Variants in FRY observed in about 807,000 individuals in gnomAD.
FRY encodes protein furry homolog.
In FRY, 128 loss-of-function variants were observed where a neutral mutation model predicts 348.4. The ratio of observed to expected loss-of-function variants is 0.37; its 90% CI spans 0.32 to 0.43. The LOEUF is 0.43. Among genes scored for constraint, FRY ranks in the 20% least tolerant of loss-of-function variants. FRY has a pLI of 1.00. For missense variants in FRY, 2,736 were observed against 3,695.2 expected (o/e 0.74, Z 6.73); for synonymous variants, 1,370 against 1,374.7 (o/e 1.00, Z 0.08).
chr13:32,137,170 A>T (rs1879773891), intron 11 of FRY, among the ~76,000 whole-genome samples, 198 bp downstream of exon 11: 1 of 152,228 alleles, frequency 6.6e-6, no homozygotes, highest in African/African-American at 2.4e-5. Context: ...AAGATAAATC[A>T]CTTCAGATTT....
chr13:32,047,049 G>GTA (rs1208177650), intron 1 of FRY, among the ~76,000 whole-genome samples: 54 of 152,030 alleles, frequency 3.6e-4, no homozygotes, highest in African/African-American at 1.3e-3. Flanking sequence ...GGGTATATAT[G>GTA]TATATATAGA....
chr13:32,057,959 C>CA (rs143517073), intron 1 of FRY, among the ~76,000 whole-genome samples: 98,607 of 150,428 alleles, frequency 0.66, 32,459 homozygotes, highest in Non-Finnish European at 0.67. Context: ...GACTCCGTCT[C>CA]AAAAAAAAAT....
At chr13:32,165,312 C>CA (rs1462646711) in intron 17 of FRY, among the ~76,000 whole-genome samples, 3 of 152,180 alleles carry the variant, frequency 2.0e-5, no homozygotes, top group Non-Finnish European at 4.4e-5. Flanking sequence ...TCCACATATG[C>CA]CTGTGTTGTG....
chr13:32,274,685 C>G (rs1310979021), intron 55 of FRY, among the ~76,000 whole-genome samples, 157 bp from the exon 56 acceptor site: 1 of 102,294 alleles, frequency 9.8e-6, no homozygotes, highest in Non-Finnish European at 1.7e-5. Context: ...GCCTGGGCGA[C>G]AGAGCGAGAT....
intron 35 of FRY, among the ~76,000 whole-genome samples, chr13:32,217,756 G>A (rs1054602915): frequency 6.6e-6 from 1 of 152,196 alleles, no homozygotes; most frequent in Admixed American, 6.5e-5. Context: ...AATAAATAAT[G>A]CTTATCTCAA....
chr13:32,240,303 A>T (rs1886431149), intron 46 of FRY, among the ~76,000 whole-genome samples: 1 of 152,234 alleles, frequency 6.6e-6, no homozygotes, highest in Non-Finnish European at 1.5e-5. Flanking sequence ...TCCAAAGCTT[A>T]AACTCCTTCT....
chr13:32,179,625 C>T, intron 22 of FRY, 50 bp from the exon 23 acceptor site: 3 of 1,587,534 alleles, frequency 1.9e-6, no homozygotes, highest in Non-Finnish European at 2.6e-6. Context: ...ATTAAAGGAA[C>T]CATCAGTTAC....
At chr13:32,084,012 G>A (rs1875687744) in intron 2 of FRY, among the ~76,000 whole-genome samples, 1 of 151,980 alleles carries the variant, frequency 6.6e-6, no homozygotes, top group South Asian at 2.1e-4. Flanking sequence ...CCTTTCTTGT[G>A]AACTCATTTC....
chr13:32,284,266 G>A (rs1888946979), intron 58 of FRY, among the ~76,000 whole-genome samples: 1 of 152,018 alleles, frequency 6.6e-6, no homozygotes, highest in African/African-American at 2.4e-5. Context: ...CATTCTGTTA[G>A]GGTCTTTTTG....
intron 23 of FRY, among the ~76,000 whole-genome samples, chr13:32,181,382 G>C (rs1029347486): frequency 2.6e-5 from 4 of 151,350 alleles, no homozygotes; most frequent in Non-Finnish European, 5.9e-5. Context: ...ATCACCTGAG[G>C]TCAGGAGTTT....
At chr13:32,289,938 A>G (rs951030742) in intron 59 of FRY, among the ~76,000 whole-genome samples, 195 bp downstream of exon 59, 2 of 152,240 alleles carry the variant, frequency 1.3e-5, no homozygotes, top group Non-Finnish European at 2.9e-5. Context: ...AGGAGTAGGT[A>G]TGGAAAGTGA....
chr13:32,133,648 A>G (rs1879508591), intron 8 of FRY, among the ~76,000 whole-genome samples: 1 of 151,824 alleles, frequency 6.6e-6, no homozygotes, highest in South Asian at 2.1e-4. Flanking sequence ...TGAGGACTTT[A>G]GGGATTGTTT....
chr13:32,150,344 G>A (rs1566098442), intron 14 of FRY, among the ~76,000 whole-genome samples: 1 of 152,218 alleles, frequency 6.6e-6, no homozygotes, highest in Non-Finnish European at 1.5e-5. Flanking sequence ...ACAACATGGA[G>A]CAGTGGAGGC....
At chr13:32,189,261 C>T (rs1883196206) in intron 28 of FRY, among the ~76,000 whole-genome samples, 1 of 152,116 alleles carries the variant, frequency 6.6e-6, no homozygotes. Flanking sequence ...GATGTCTTCT[C>T]CTTCTTAGTG....
At chr13:32,155,349 C>T (rs900443136) in intron 14 of FRY, 142 bp from the exon 15 acceptor site, 10 of 698,210 alleles carry the variant, frequency 1.4e-5, no homozygotes, top group African/African-American at 3.5e-5. Context: ...CATAAGATTG[C>T]TCTACACTCT....
chr13:32,227,340 A>C (rs1685622684), intron 39 of FRY, among the ~76,000 whole-genome samples: 2 of 152,234 alleles, frequency 1.3e-5, no homozygotes, highest in African/African-American at 4.8e-5. Context: ...ACTTTATTAT[A>C]ATAGAACACT....
chr13:32,239,980 C>T lies in FRY; in HGVS notation c.6687+99C>T. The T allele has an allele frequency of 9.9e-7, 1 of 1,005,638 alleles. No individual in the cohort carries two copies. Among genetic ancestry groups the T allele is most frequent in the Non-Finnish European group, 1.5e-6 (1 of 663,990 alleles). The allele number at this position is 1,005,638 out of a possible 1,614,324, so 62.3% of individuals were successfully genotyped here. A position where few individuals can be genotyped will look rare whatever the true frequency, so the allele number is the denominator to read the frequency against. On this transcript the variant is annotated intron_variant, in intron 46 of 60. Coordinates refer to ENST00000542859, the MANE Select transcript of FRY (RefSeq NM_023037.3). This position sits in a 1 kb window ranked among gnomAD's most constrained non-coding sequence, Gnocchi z 4.3. The stretch of plus-strand genomic sequence containing the variant: ...AAGCAGTCCTCCTGCCTTCGCCTCC[C>T]AGAGTGCTAGGATTACAGGCGTGGG...
intron 1 of FRY, among the ~76,000 whole-genome samples, chr13:32,048,846 C>T (rs1465969155): frequency 6.6e-6 from 1 of 152,154 alleles, no homozygotes; most frequent in Non-Finnish European, 1.5e-5. Context: ...ATAGCTGCCC[C>T]AATTGGACAT....
intron 1 of FRY, among the ~76,000 whole-genome samples, chr13:32,054,397 A>G (rs1476806532): frequency 6.7e-6 from 1 of 149,598 alleles, no homozygotes; most frequent in Non-Finnish European, 1.5e-5. Flanking sequence ...TTCTGCATTC[A>G]ATTTGCTAGG....
Sources: gnomAD v4.1 joint callset for allele counts (sites outside exome capture counted in the v4.1 genomes callset) on GRCh38, gnomAD v4.1.1 for gene constraint, Gnocchi (gnomAD v3.1) non-coding constraint, MANE v1.5 for transcripts, NCBI Gene and HGNC (gene_info 2026-07-23, HGNC 2026-07-21) for gene names.